Variants in ZFHX3 observed in about 807,000 individuals in gnomAD.
The protein encoded by ZFHX3 is zinc finger homeobox protein 3.
ZFHX3 carries 42 observed loss-of-function variants against 279.1 expected under a neutral mutation model. The ratio of observed to expected loss-of-function variants is 0.15; its 90% CI spans 0.12 to 0.19. The LOEUF is 0.19. ZFHX3 is among the 10% of genes least tolerant of loss of function. The probability of loss-of-function intolerance (pLI) is 1.00; values close to 1 mark genes in which losing one functional copy is unlikely to be tolerated. For missense variants in ZFHX3, 4,981 were observed against 4,754.0 expected (o/e 1.05, Z -1.40); for synonymous variants, 2,293 against 1,957.8 (o/e 1.17, Z -4.52).
chr16:73,066,792 G>T (rs1181383308), intron 8 of ZFHX3, among the ~76,000 whole-genome samples: 2 of 152,208 alleles, frequency 1.3e-5, no homozygotes, highest in African/African-American at 4.8e-5. Flanking sequence ...CCGCACCCGG[G>T]ACTGCTGGTG....
At chr16:73,455,852 G>A (rs1011744577) in intron 3 of ZFHX3, among the ~76,000 whole-genome samples, 7 of 151,646 alleles carry the variant, frequency 4.6e-5, no homozygotes, top group African/African-American at 1.5e-4. Flanking sequence ...CTTTCACCTG[G>A]GTTGGTACGC....
At chr16:73,096,775 C>T (rs1966169641) in intron 7 of ZFHX3, among the ~76,000 whole-genome samples, 1 of 151,966 alleles carries the variant, frequency 6.6e-6, no homozygotes, top group Non-Finnish European at 1.5e-5. Flanking sequence ...GAGAATGGGG[C>T]ATCATGTTAA....
chr16:73,569,034 C>G (rs779511598), intron 2 of ZFHX3, among the ~76,000 whole-genome samples: 3 of 152,218 alleles, frequency 2.0e-5, no homozygotes, highest in Admixed American at 6.5e-5. Flanking sequence ...TCAATTAATG[C>G]CTCTCTAATG....
chr16:73,312,013 C>T (rs2015339903), intron 4 of ZFHX3, among the ~76,000 whole-genome samples: 1 of 152,136 alleles, frequency 6.6e-6, no homozygotes, highest in African/African-American at 2.4e-5. Flanking sequence ...ATGCAGCAGT[C>T]CTCTGTGGGG....
At chr16:73,169,428 C>T (rs1967467718) in intron 5 of ZFHX3, among the ~76,000 whole-genome samples, 1 of 152,132 alleles carries the variant, frequency 6.6e-6, no homozygotes, top group African/African-American at 2.4e-5. Flanking sequence ...CACGGTATGA[C>T]TTTCACTTCT....
chr16:73,884,857 T>C (rs1042521861), intron 1 of ZFHX3, among the ~76,000 whole-genome samples: 5 of 152,206 alleles, frequency 3.3e-5, no homozygotes, highest in African/African-American at 1.2e-4. Flanking sequence ...TTGTTTATTG[T>C]CCTCTTCCCA....
chr16:73,033,659 T>A (rs1313349765), intron 1 of ZFHX3, among the ~76,000 whole-genome samples: 1 of 152,120 alleles, frequency 6.6e-6, no homozygotes, highest in Non-Finnish European at 1.5e-5. Flanking sequence ...ACTTTCACAG[T>A]TTTTTTCCTG....
intron 1 of ZFHX3, chr16:73,015,535 G>A (rs541790412): frequency 3.3e-5 from 5 of 152,318 alleles, no homozygotes; most frequent in African/African-American, 4.8e-5. Flanking sequence ...AGGAGACACC[G>A]AACTAGAAAC....
chr16:73,459,052 G>A (rs942147604), intron 2 of ZFHX3, among the ~76,000 whole-genome samples: 6 of 152,140 alleles, frequency 3.9e-5, no homozygotes, highest in Admixed American at 2.6e-4. Context: ...AGTAAGATGG[G>A]CAATAGCAAA....
chr16:72,999,136 G>A (rs1963400757), intron 1 of ZFHX3, among the ~76,000 whole-genome samples: 1 of 152,102 alleles, frequency 6.6e-6, no homozygotes, highest in South Asian at 2.1e-4. Flanking sequence ...CAACTGAGGT[G>A]GTGCCTACAC....
intron 1 of ZFHX3, among the ~76,000 whole-genome samples, chr16:73,809,914 C>A (rs1214807628): frequency 3.3e-5 from 5 of 152,180 alleles, no homozygotes; most frequent in African/African-American, 1.2e-4. Context: ...CTTACCTATG[C>A]TGACATTGTA....
Position 72,993,882 on chromosome 16 carries a change from C to T in ZFHX3, c.-49-33688G>A, listed in dbSNP as rs77652671. On this transcript the variant is annotated intron_variant, in intron 1 of 9. Transcript: ENST00000268489. The stretch of plus-strand genomic sequence containing the variant: ...GTGCTGCCCGATCCCCCAATGCATT[C>T]GGGGCTGTAGAGACTCTCTGGGTTG... Among the ~76,000 whole-genome samples, 1,090 of 152,224 alleles carry T rather than the reference C, an allele frequency of 7.2e-3. 5 individuals carry two copies. Among genetic ancestry groups the T allele is most frequent in the Non-Finnish European group, 0.012 (831 of 68,016 alleles).
At position 73,821,443 on chromosome 16, in the gene ZFHX3, A is replaced by G. The variant is rs558576113; in HGVS notation, c.-1608+70208T>C. 3.3e-5 allele frequency among the ~76,000 whole-genome samples: 5 copies of G among 152,354 alleles called. No homozygotes were observed. In the South Asian group the frequency reaches 1.0e-3, roughly 32 times the overall value. On this transcript the variant is annotated intron_variant, in intron 1 of 17. Coordinates refer to the ZFHX3 transcript ENST00000641206. ...AACCTTCTCAGCATCTCTGCAACTT[A>G]GCTATGCCTATGACCTGTTGGGTGG... is the stretch of plus-strand genomic sequence containing the variant.
At chr16:73,217,206 A>G (rs1281133083) in intron 5 of ZFHX3, among the ~76,000 whole-genome samples, 1 of 152,204 alleles carries the variant, frequency 6.6e-6, no homozygotes, top group Non-Finnish European at 1.5e-5. Context: ...TCAAGGCTCC[A>G]TGTCATTTCC....
At chr16:73,881,483 C>A (rs1465854488) in intron 1 of ZFHX3, among the ~76,000 whole-genome samples, 5 of 72,128 alleles carry the variant, frequency 6.9e-5, no homozygotes, top group African/African-American at 2.1e-4. Context: ...TCTCTCTGCC[C>A]CCCCCCCCCA....
chr16:72,860,633 T>C (rs2037864226), intron 4 of ZFHX3, among the ~76,000 whole-genome samples: 1 of 152,202 alleles, frequency 6.6e-6, no homozygotes, highest in Non-Finnish European at 1.5e-5. Context: ...TTTCACCATG[T>C]TGGTCAGGCT....
chr16:73,492,918 C>T (rs762114860), intron 2 of ZFHX3, among the ~76,000 whole-genome samples: 1 of 151,636 alleles, frequency 6.6e-6, no homozygotes, highest in African/African-American at 2.4e-5. Context: ...CACTGTGCAT[C>T]GAGTACATAG....
chr16:73,197,924 G>GTTTTTTTTTTTTTTTT lies in ZFHX3; in HGVS notation c.-1103-54109_-1103-54094dup, dbSNP rs71156148. ...GATAAGTAGAGTATCTGATTTGGTGGTTTTTTTTTTTTTTTTTTTTTTTTT... is the reference window on the plus strand; with the variant it reads ...GATAAGTAGAGTATCTGATTTGGTGGTTTTTTTTTTTTTTTTTTTTTTTTTTTTTTTTTTTTTTTTT... On this transcript the variant is annotated intron_variant, in intron 5 of 17. Transcript: ENST00000641206. Among the ~76,000 whole-genome samples, 4 of 53,782 alleles carry GTTTTTTTTTTTTTTTT rather than the reference G, an allele frequency of 7.4e-5. 1 individual carries two copies. Among genetic ancestry groups the GTTTTTTTTTTTTTTTT allele is most frequent in the Non-Finnish European group, 1.3e-4 (4 of 29,966 alleles). The allele number at this position is 53,782 out of a possible 152,430, so 35.3% of individuals were successfully genotyped here.
intron 1 of ZFHX3, among the ~76,000 whole-genome samples, chr16:73,767,001 T>C (rs1033166076): frequency 6.6e-6 from 1 of 151,006 alleles, no homozygotes; most frequent in Non-Finnish European, 1.5e-5. Context: ...ACTGGCGCGA[T>C]CTCAGCTCAG....
Sources: gnomAD v4.1 joint callset for allele counts (sites outside exome capture counted in the v4.1 genomes callset) on GRCh38, gnomAD v4.1.1 for gene constraint, MANE v1.5 for transcripts, NCBI Gene and HGNC (gene_info 2026-07-23, HGNC 2026-07-21) for gene names.